ITPR1: variants seen among roughly 807,000 people sequenced by gnomAD.
ITPR1 encodes inositol 1,4,5-trisphosphate-gated calcium channel ITPR1.
ITPR1 carries 96 observed loss-of-function variants against 318.4 expected under a neutral mutation model. The ratio of observed to expected loss-of-function variants is 0.30; its 90% CI spans 0.26 to 0.36. The LOEUF (loss-of-function observed/expected upper bound fraction) is 0.36. Ranked by LOEUF, ITPR1 falls within the 10% of genes least tolerant of loss-of-function variation. ITPR1 has a pLI of 1.00. For missense variants in ITPR1, 2,440 were observed against 3,460.2 expected (o/e 0.71, Z 7.40); for synonymous variants, 1,312 against 1,289.9 (o/e 1.02, Z -0.37).
chr3:4,702,585 G>A (rs1348525830), intron 35 of ITPR1, among the ~76,000 whole-genome samples: 2 of 152,146 alleles, frequency 1.3e-5, no homozygotes, highest in Non-Finnish European at 2.9e-5. Context: ...AGTTAAAATA[G>A]CATCAAGTTA....
At chr3:4,607,855 A>T (rs2091812299) in intron 4 of ITPR1, among the ~76,000 whole-genome samples, 2 of 152,236 alleles carry the variant, frequency 1.3e-5, no homozygotes, top group Non-Finnish European at 2.9e-5. Flanking sequence ...TACCACAGTG[A>T]TGTTACCTGC....
chr3:4,688,977 A>G (rs2094439804), intron 31 of ITPR1, among the ~76,000 whole-genome samples: 1 of 152,238 alleles, frequency 6.6e-6, no homozygotes, highest in African/African-American at 2.4e-5. Flanking sequence ...GTGGCTATGT[A>G]TACATATATA....
intron 24 of ITPR1, among the ~76,000 whole-genome samples, chr3:4,679,553 A>T (rs879738653): frequency 3.2e-4 from 49 of 152,184 alleles, no homozygotes; most frequent in African/African-American, 1.2e-3. Flanking sequence ...TGTTTGCTCT[A>T]TCCAGGCCCT....
At chr3:4,600,683 G>T (rs1355634819) in intron 4 of ITPR1, among the ~76,000 whole-genome samples, 1 of 152,152 alleles carries the variant, frequency 6.6e-6, no homozygotes, top group African/African-American at 2.4e-5. Context: ...GGTGTGAAGG[G>T]TGGCATTTTG....
At chr3:4,812,179 T>A (rs1384649301) in intron 56 of ITPR1, among the ~76,000 whole-genome samples, 1 of 151,860 alleles carries the variant, frequency 6.6e-6, no homozygotes, top group East Asian at 1.9e-4. Flanking sequence ...TAGCTGAAAC[T>A]GCAGGCGCCT....
chr3:4,730,011 C>G (rs981499297), intron 42 of ITPR1, among the ~76,000 whole-genome samples: 4 of 149,406 alleles, frequency 2.7e-5, no homozygotes, highest in Non-Finnish European at 4.4e-5. Flanking sequence ...TAATTTATAT[C>G]AGGATGATTA....
chr3:4,833,726 T>C (rs1295768437), intron 60 of ITPR1, among the ~76,000 whole-genome samples: 1 of 152,218 alleles, frequency 6.6e-6, no homozygotes, highest in African/African-American at 2.4e-5. Flanking sequence ...ACTGTGCCAG[T>C]GGCCTCTGTG....
chr3:4,635,324 A>C (rs995362721), intron 5 of ITPR1, among the ~76,000 whole-genome samples: 1 of 151,946 alleles, frequency 6.6e-6, no homozygotes, highest in African/African-American at 2.4e-5. Context: ...AACTCAGTAA[A>C]GGTACTAATT....
intron 35 of ITPR1, among the ~76,000 whole-genome samples, chr3:4,701,918 T>C (rs2094661152): frequency 1.3e-5 from 2 of 152,224 alleles, no homozygotes; most frequent in South Asian, 4.1e-4. Context: ...TTCCTTTTTC[T>C]TTCATCTCAG....
At chr3:4,515,506 T>C (rs572540461) in intron 2 of ITPR1, among the ~76,000 whole-genome samples, 2 of 152,282 alleles carry the variant, frequency 1.3e-5, no homozygotes, top group Admixed American at 1.3e-4. Context: ...ACTGGGCTAT[T>C]AGCTGCAGTC....
chr3:4,500,957 G>A (rs937727832), intron 2 of ITPR1, among the ~76,000 whole-genome samples: 15 of 152,032 alleles, frequency 9.9e-5, no homozygotes, highest in Admixed American at 3.3e-4. Flanking sequence ...AGGCACAAGC[G>A]ATCCTCTCAC....
chr3:4,654,010 C>T (rs1038198625), intron 12 of ITPR1, 124 bp downstream of exon 12: 34 of 647,520 alleles, frequency 5.3e-5, no homozygotes, highest in Non-Finnish European at 9.2e-5. Flanking sequence ...CTTAGGCTCC[C>T]TTAAAACACG....
chr3:4,526,687 C>T (rs548089575), intron 4 of ITPR1, among the ~76,000 whole-genome samples: 1 of 150,758 alleles, frequency 6.6e-6, no homozygotes, highest in Non-Finnish European at 1.5e-5. Flanking sequence ...CTTGATGTTC[C>T]CATTATGCAG....
At chr3:4,769,005 G>T (rs2046009399) in intron 46 of ITPR1, among the ~76,000 whole-genome samples, 1 of 151,798 alleles carries the variant, frequency 6.6e-6, no homozygotes, top group African/African-American at 2.4e-5. Flanking sequence ...CAGCTCTTGG[G>T]TTCAAGCGAT....
At chr3:4,733,796 C>T (rs183765846) in intron 43 of ITPR1, among the ~76,000 whole-genome samples, 23 of 150,516 alleles carry the variant, frequency 1.5e-4, no homozygotes, top group African/African-American at 5.5e-4. Context: ...TCCACAAACT[C>T]CTATGGGAGT....
At chr3:4,620,158 C>T (rs1419564764) in intron 4 of ITPR1, among the ~76,000 whole-genome samples, 3 of 152,142 alleles carry the variant, frequency 2.0e-5, no homozygotes, top group Non-Finnish European at 4.4e-5. Flanking sequence ...CAGACACCTG[C>T]TGGAGAGAAG....
At chr3:4,525,373 T>C (rs542848021) in intron 4 of ITPR1, among the ~76,000 whole-genome samples, 67 of 152,340 alleles carry the variant, frequency 4.4e-4, no homozygotes, top group Admixed American at 2.4e-3. Flanking sequence ...ACAGAAGATA[T>C]AGAAGAGTTC....
intron 4 of ITPR1, among the ~76,000 whole-genome samples, chr3:4,602,256 AC>A (rs1400936742): frequency 6.6e-6 from 1 of 152,286 alleles, no homozygotes; most frequent in East Asian, 1.9e-4. Flanking sequence ...GCACCTATTT[AC>A]ACCTACAATT....
intron 10 of ITPR1, 79 bp downstream of exon 10, chr3:4,645,807 C>A: frequency 7.5e-7 from 1 of 1,338,140 alleles, no homozygotes; most frequent in Non-Finnish European, 1.0e-6. Context: ...CTCTATCCTA[C>A]AAATATTCAT....
Sources: gnomAD v4.1 joint callset for allele counts (sites outside exome capture counted in the v4.1 genomes callset) on GRCh38, gnomAD v4.1.1 for gene constraint, MANE v1.5 for transcripts, NCBI Gene and HGNC (gene_info 2026-07-23, HGNC 2026-07-21) for gene names.